Variants in FHIT observed in about 807,000 individuals in gnomAD.
FHIT encodes bis(5'-adenosyl)-triphosphatase.
A neutral mutation model predicts 17.9 loss-of-function variants in FHIT; 19 were observed. That is an observed-to-expected ratio of 1.06 (90% CI 0.74 to 1.56). FHIT has a LOEUF of 1.56. Ranked by LOEUF, FHIT falls within the 40% of genes most tolerant of loss-of-function variation. The probability of loss-of-function intolerance (pLI) is 0.00; values close to 1 mark genes in which losing one functional copy is unlikely to be tolerated. For synonymous variants in FHIT, 81 were observed against 69.7 expected (o/e 1.16, Z -0.81); for missense variants, 248 against 189.2 (o/e 1.31, Z -1.82).
intron 8 of FHIT, among the ~76,000 whole-genome samples, chr3:59,796,886 C>A (rs1342872978): frequency 7.9e-5 from 12 of 152,078 alleles, no homozygotes; most frequent in Admixed American, 7.9e-4. Flanking sequence ...TAATAGAAGC[C>A]CAAAATCAAT....
Position 61,005,036 on chromosome 3 carries a change from T to C in FHIT, c.-111+37011A>G, listed in dbSNP as rs182393043. Among the ~76,000 whole-genome samples, 65 of 152,306 alleles carry C rather than the reference T, an allele frequency of 4.3e-4. 1 individual carries two copies. In the East Asian group the frequency reaches 0.012, roughly 28 times the overall value. On this transcript the variant is annotated intron_variant, in intron 3 of 9. Transcript: ENST00000492590. ...GAGAGGGAGAAGAACCAATGTTTCC[T>C]GGGTGGCTAGTATGATTGCAGCAGA...
chr3:60,081,589 G>C (rs779942219), intron 5 of FHIT, among the ~76,000 whole-genome samples: 66 of 152,216 alleles, frequency 4.3e-4, no homozygotes, highest in East Asian at 5.8e-4. Context: ...ATTAACTATG[G>C]ATGGACTCCA....
chr3:60,075,755 G>A (rs533537146), intron 5 of FHIT, among the ~76,000 whole-genome samples: 4 of 152,020 alleles, frequency 2.6e-5, no homozygotes, highest in African/African-American at 9.7e-5. Flanking sequence ...AATTATAGAA[G>A]ACACAGAGAT....
intron 5 of FHIT, among the ~76,000 whole-genome samples, chr3:60,277,019 G>C (rs954175159): frequency 3.9e-5 from 6 of 151,992 alleles, no homozygotes; most frequent in African/African-American, 7.2e-5. Flanking sequence ...GAGCGGACAA[G>C]CATCCAAAGT....
chr3:60,310,659 A>T (rs1708900022), intron 5 of FHIT, among the ~76,000 whole-genome samples: 1 of 152,140 alleles, frequency 6.6e-6, no homozygotes, highest in African/African-American at 2.4e-5. Flanking sequence ...CCCCAAGACA[A>T]AAGCACTCTA....
intron 5 of FHIT, among the ~76,000 whole-genome samples, chr3:60,295,137 C>T (rs1209528954): frequency 6.6e-6 from 1 of 152,062 alleles, no homozygotes; most frequent in Non-Finnish European, 1.5e-5. Context: ...GTAGTCCCAG[C>T]TACTCAGAAG....
chr3:61,102,134 G>T (rs2035851447), intron 2 of FHIT, among the ~76,000 whole-genome samples: 1 of 152,234 alleles, frequency 6.6e-6, no homozygotes, highest in Middle Eastern at 3.4e-3. Context: ...TCTTGTGCCA[G>T]TTTTCAAAGG....
Position 59,749,515 on chromosome 3 carries a change from C to G in FHIT, c.*70G>C, listed in dbSNP as rs550749221. ...TGATTCAGTTCCTCTTGGGGAGAGGCGGGGGGCGGTCTTCAAACTGGTTGG... is the reference window on the plus strand; with the variant it reads ...TGATTCAGTTCCTCTTGGGGAGAGGGGGGGGGCGGTCTTCAAACTGGTTGG... On this transcript the variant is annotated 3_prime_UTR_variant, in exon 10 of 10. Coordinates refer to ENST00000492590, the MANE Select transcript of FHIT (RefSeq NM_002012.4). The G allele has an allele frequency of 3.9e-4, 89 of 229,582 alleles. No individual in the cohort carries two copies. The Middle Eastern group carries it at 7.9e-3, about 20-fold the overall frequency. The allele number at this position is 229,582 out of a possible 1,614,324, so 14.2% of individuals were successfully genotyped here. A position where few individuals can be genotyped will look rare whatever the true frequency, so the allele number is the denominator to read the frequency against.
intron 5 of FHIT, among the ~76,000 whole-genome samples, chr3:60,340,541 T>C (rs1267087552): frequency 6.6e-6 from 1 of 152,162 alleles, no homozygotes; most frequent in Non-Finnish European, 1.5e-5. Context: ...CAAGTAACTA[T>C]ATGGTTAGAA....
At chr3:59,930,617 T>C (rs531912894) in intron 7 of FHIT, among the ~76,000 whole-genome samples, 1 of 152,286 alleles carries the variant, frequency 6.6e-6, no homozygotes, top group Admixed American at 6.5e-5. Flanking sequence ...CTCTGTTTTA[T>C]CTGTTTCTAT....
At chr3:60,506,624 A>G (rs568583695) in intron 5 of FHIT, among the ~76,000 whole-genome samples, 1 of 152,316 alleles carries the variant, frequency 6.6e-6, no homozygotes, top group African/African-American at 2.4e-5. Flanking sequence ...ACAAGTGGAT[A>G]TAACACACGG....
At chr3:61,045,242 A>C (rs1338055750) in intron 2 of FHIT, among the ~76,000 whole-genome samples, 2 of 152,214 alleles carry the variant, frequency 1.3e-5, no homozygotes, top group African/African-American at 4.8e-5. Context: ...AGACCCATCT[A>C]ACATGCAGAG....
chr3:60,112,795 C>G (rs889365478), intron 5 of FHIT, among the ~76,000 whole-genome samples: 3 of 152,176 alleles, frequency 2.0e-5, no homozygotes, highest in East Asian at 1.9e-4. Context: ...TGGAAGCAAG[C>G]AGCAATCAAG....
rs1452639348 is a variant in FHIT, at chr3:60,321,521, C to A, written c.103+215339G>T. On this transcript the variant is annotated intron_variant, in intron 5 of 9. Transcript: ENST00000492590. ...ATAGCCACCTAAAAGGTTATCTTCACTTAAGAGATGCATAATCAGGCATTG... is the reference window on the plus strand; with the variant it reads ...ATAGCCACCTAAAAGGTTATCTTCAATTAAGAGATGCATAATCAGGCATTG... Among the ~76,000 whole-genome samples, 5 of 152,236 alleles carry A rather than the reference C, an allele frequency of 3.3e-5. No individual in the cohort carries two copies. In the South Asian group the frequency reaches 1.0e-3, roughly 32 times the overall value.
At chr3:59,871,425 C>T (rs1457200890) in intron 8 of FHIT, among the ~76,000 whole-genome samples, 1 of 152,098 alleles carries the variant, frequency 6.6e-6, no homozygotes, top group African/African-American at 2.4e-5. Context: ...CTACTACAAT[C>T]CTGTAACATA....
At chr3:60,440,267 C>G (rs145426402) in intron 5 of FHIT, among the ~76,000 whole-genome samples, 241 of 152,152 alleles carry the variant, frequency 1.6e-3, no homozygotes, top group Non-Finnish European at 2.6e-3. Flanking sequence ...CAAGACTAGA[C>G]TTTTCTCCCA....
At chr3:61,107,190 G>C (rs544861837) in intron 2 of FHIT, among the ~76,000 whole-genome samples, 9 of 152,162 alleles carry the variant, frequency 5.9e-5, no homozygotes, top group African/African-American at 1.9e-4. Context: ...GAGTTTGACT[G>C]TTTAAAATTT....
intron 3 of FHIT, among the ~76,000 whole-genome samples, chr3:61,034,848 A>C (rs974027484): frequency 6.6e-6 from 1 of 152,190 alleles, no homozygotes; most frequent in Non-Finnish European, 1.5e-5. Flanking sequence ...TCATAGCAGC[A>C]CTATACACAA....
chr3:60,934,044 A>G (rs1443936770), intron 3 of FHIT, among the ~76,000 whole-genome samples: 1 of 152,198 alleles, frequency 6.6e-6, no homozygotes, highest in Admixed American at 6.5e-5. Context: ...GACAAGCCTT[A>G]ATCTCCAACT....
Sources: allele counts gnomAD v4.1 joint callset (sites outside exome capture counted in the v4.1 genomes callset), GRCh38; gene constraint gnomAD v4.1.1; transcripts MANE v1.5; gene names NCBI Gene and HGNC (gene_info 2026-07-23, HGNC 2026-07-21).